DRG2: variants seen among roughly 807,000 people sequenced by gnomAD.
DRG2 encodes developmentally regulated GTP binding protein 2, also known as developmentally-regulated GTP-binding protein 2.
Under a neutral mutation model 53.4 loss-of-function variants are expected in DRG2, and 36 were observed. The observed-to-expected ratio is 0.67, with a 90% CI of 0.52 to 0.89. The LOEUF (loss-of-function observed/expected upper bound fraction) is 0.89. Ranked by LOEUF, DRG2 falls within the 40% of genes least tolerant of loss-of-function variation. The pLI is 0.00. For missense variants in DRG2, 342 were observed against 481.2 expected (o/e 0.71, Z 2.71); for synonymous variants, 167 against 192.1 (o/e 0.87, Z 1.08).
chr17:18,088,222 C>T (rs751397677), intron 1 of DRG2, 135 bp downstream of exon 1: 110 of 1,137,004 alleles, frequency 9.7e-5, no homozygotes, highest in Non-Finnish European at 1.2e-4. Context: ...AGTGCCGAGG[C>T]CGCCCTGCGC....
chr17:18,088,227 C>A, intron 1 of DRG2, 140 bp downstream of exon 1: 1 of 1,107,870 alleles, frequency 9.0e-7, no homozygotes, highest in Non-Finnish European at 1.3e-6. Flanking sequence ...CGAGGCCGCC[C>A]TGCGCGCCCA....
Position 18,103,401 on chromosome 17 carries a change from T to G in DRG2, c.807-400T>G, listed in dbSNP as rs1037033454. Among the ~76,000 whole-genome samples the G allele has an allele frequency of 4.6e-5, 7 of 152,176 alleles. No individual in the cohort carries two copies. The highest frequency in any genetic ancestry group is 1.7e-4 in the African/African-American group (7 of 41,442). On this transcript the variant is annotated intron_variant, in intron 9 of 12. Transcript: ENST00000225729. This position sits in a 1 kb window ranked among gnomAD's most constrained non-coding sequence, Gnocchi z 4.4. Reference sequence around the variant, plus strand: ...AGCCTTGGTTCTCCCCTCTTCTTGCTGAAATCCCTGCTGGACTTCCTGGCA... The same window carrying G: ...AGCCTTGGTTCTCCCCTCTTCTTGCGGAAATCCCTGCTGGACTTCCTGGCA...
chr17:18,106,159 C>A, intron 11 of DRG2: 2 of 503,674 alleles, frequency 4.0e-6, no homozygotes, highest in South Asian at 2.2e-5. Context: ...AGCCAGGCCC[C>A]TGACCTTCCC....
chr17:18,097,440 C>T (rs959523940), intron 2 of DRG2: 1 of 152,180 alleles, frequency 6.6e-6, no homozygotes, highest in Admixed American at 6.5e-5. Flanking sequence ...TTCCTGGGGC[C>T]CTGCTGATTA....
intron 7 of DRG2, 33 bp from the exon 8 acceptor site, chr17:18,101,460 G>A: frequency 6.2e-7 from 1 of 1,607,324 alleles, no homozygotes; most frequent in Non-Finnish European, 8.5e-7. Flanking sequence ...GGGGCAGCTG[G>A]TGCACAGGTT....
Position 18,098,775 on chromosome 17 carries a change from C to T in DRG2, c.316-242C>T, listed in dbSNP as rs1157898168. 6.6e-6 allele frequency among the ~76,000 whole-genome samples: 1 copy of T among 152,200 alleles called. No individual in the cohort carries two copies. The highest frequency in any genetic ancestry group is 1.9e-4 in the East Asian group (1 of 5,200). ...CAATTTATTTGTAAAGTGCTGGTATCATCAGTGATGAGTGTTGTGGGATTG... is the reference window on the plus strand; with the variant it reads ...CAATTTATTTGTAAAGTGCTGGTATTATCAGTGATGAGTGTTGTGGGATTG... On this transcript the variant is annotated intron_variant, in intron 3 of 12. Transcript: ENST00000225729. This position sits in a 1 kb window ranked among gnomAD's most constrained non-coding sequence, Gnocchi z 4.1.
chr17:18,097,141 C>T (rs2045447923), intron 2 of DRG2: 1 of 152,092 alleles, frequency 6.6e-6, no homozygotes, highest in Non-Finnish European at 1.5e-5. Context: ...AGGGAGTGGC[C>T]CCGAGGTTGG....
At position 18,103,902 on chromosome 17, in the gene DRG2, G is replaced by A. The variant is rs1170257084; in HGVS notation, c.895+13G>A. ...AAGAAGAGAGGACGTGAGTTGCACT[G>A]CGCGTAGCTGAAAAACAGGCTGAGC... is the stretch of plus-strand genomic sequence containing the variant. On this transcript the variant is annotated intron_variant, in intron 10 of 12. Transcript: ENST00000225729. The surrounding 1 kb of genome is among the most constrained non-coding windows in gnomAD (Gnocchi z 4.4). The A allele has an allele frequency of 6.2e-7, 1 of 1,613,236 alleles. No individual in the cohort carries two copies. The highest frequency in any genetic ancestry group is 2.2e-5 in the East Asian group (1 of 44,874).
intron 2 of DRG2, 156 bp downstream of exon 2, chr17:18,094,129 TA>T (rs2045386721): frequency 2.0e-6 from 2 of 981,184 alleles, no homozygotes; most frequent in Non-Finnish European, 2.9e-6. Context: ...TTTATCATCC[TA>T]ACATGGAGGA....
At chr17:18,101,448 CA>C (rs778210607) in intron 7 of DRG2, 44 bp from the exon 8 acceptor site, 4 of 1,587,072 alleles carry the variant, frequency 2.5e-6, no homozygotes, top group African/African-American at 2.7e-5. Flanking sequence ...TGATGGGGGA[CA>C]GGGGCAGCTG....
rs778497605 is a variant in DRG2 at position 18,103,994 on chromosome 17, G to A, written c.895+105G>A. 1 of 1,122,916 alleles carries A rather than the reference G, an allele frequency of 8.9e-7. No individual in the cohort carries two copies. The highest frequency in any genetic ancestry group is 1.3e-6 in the Non-Finnish European group (1 of 750,092). 69.6% of individuals were successfully genotyped at this position (1,122,916 alleles called of 1,614,324 possible). On this transcript the variant is annotated intron_variant, in intron 10 of 12. Coordinates refer to ENST00000225729, the MANE Select transcript of DRG2 (RefSeq NM_001388.5). The surrounding 1 kb of genome is among the most constrained non-coding windows in gnomAD (Gnocchi z 4.4). ...AGACCCCAGCACCGGCTCTGGCCTG[G>A]CTTGTCTAGACACACCTCAGCTCTT... is the stretch of plus-strand genomic sequence containing the variant.
At chr17:18,090,368 T>TTATATATATA (rs1242491729) in intron 1 of DRG2, among the ~76,000 whole-genome samples, 6 of 25,504 alleles carry the variant, frequency 2.4e-4, no homozygotes, top group East Asian at 1.2e-3. Context: ...CCGGGCTAAT[T>TTATATATATA]TATATATATA....
intron 12 of DRG2, 36 bp downstream of exon 12, chr17:18,106,522 A>G (rs990278403): frequency 1.2e-6 from 2 of 1,612,358 alleles, no homozygotes; most frequent in African/African-American, 1.3e-5. Context: ...AGGGGGGTAG[A>G]CCCAGGACAG....
Position 18,107,349 on chromosome 17 carries a change from A to AG in DRG2, c.*113dup, listed in dbSNP as rs2045661519. On this transcript the variant is annotated 3_prime_UTR_variant, in exon 13 of 13. Transcript: ENST00000225729. ...AAATACAAATACACGTACCCCAGGA[A>AG]GGGGTCCCTCAAGTCTCTGCTATTT... 1 of 1,094,210 alleles carries AG rather than the reference A, an allele frequency of 9.1e-7. No homozygotes were observed. Among genetic ancestry groups the AG allele is most frequent in the African/African-American group, 1.6e-5 (1 of 64,230 alleles). The allele number at this position is 1,094,210 out of a possible 1,614,324, so 67.8% of individuals were successfully genotyped here.
Position 18,088,028 on chromosome 17 carries a change from G to T in DRG2, c.5G>T (p.Gly2Val). 1.3e-6 allele frequency: 2 copies of T among 1,549,352 alleles called. No homozygotes were observed. Among genetic ancestry groups the T allele is most frequent in the Non-Finnish European group, 1.7e-6 (2 of 1,146,258 alleles). Reference protein sequence around the residue: MGILEKISEIEK... With the variant: MVILEKISEIEK... ...GCGCCCACCTCTGCTGCTACCATGG[G>T]GATCTTAGAGAAGATCTCGGAGATC... The change falls in exon 1 of 13, where the codon GGG becomes GTG. Residue 2 changes from glycine (G) to valine (V), a missense_variant. Gly to Val is a moderately radical substitution (Grantham distance 109). Transcript: ENST00000225729.
At position 18,099,533 on chromosome 17, in the gene DRG2, G is replaced by T; in HGVS notation, c.377-100G>T. 1 of 1,187,674 alleles carries T rather than the reference G, an allele frequency of 8.4e-7. No individual in the cohort carries two copies. Among genetic ancestry groups the T allele is most frequent in the Non-Finnish European group, 1.2e-6 (1 of 815,770 alleles). 73.6% of individuals were successfully genotyped at this position (1,187,674 alleles called of 1,614,324 possible). ...AAGCTTGTGCTAGTATGTGGCAGAG[G>T]CTGTGGTAGGTCTGTAAAGGACAGG... On this transcript the variant is annotated intron_variant, in intron 4 of 12. Transcript: ENST00000225729. The surrounding 1 kb of genome is among the most constrained non-coding windows in gnomAD (Gnocchi z 4.4).
chr17:18,098,433 G>A lies in DRG2; in HGVS notation c.315+74G>A. ...TTGGACTTGTGCCTGTGCCCACCCT[G>A]TGTGTGAGTCTGGGTGGATGTCCCC... On this transcript the variant is annotated intron_variant, in intron 3 of 12. Transcript: ENST00000225729. This position sits in a 1 kb window ranked among gnomAD's most constrained non-coding sequence, Gnocchi z 4.1. 2 of 1,367,822 alleles carry A rather than the reference G, an allele frequency of 1.5e-6. No homozygotes were observed. Among genetic ancestry groups the A allele is most frequent in the Non-Finnish European group, 2.1e-6 (2 of 959,708 alleles). 84.7% of individuals were successfully genotyped at this position (1,367,822 alleles called of 1,614,324 possible). A position where few individuals can be genotyped will look rare whatever the true frequency, so the allele number is the denominator to read the frequency against.
At chr17:18,095,864 C>T (rs1315354165) in intron 2 of DRG2, 2 of 152,200 alleles carry the variant, frequency 1.3e-5, no homozygotes, top group African/African-American at 4.8e-5. Flanking sequence ...TGCAGATTTC[C>T]TTAGCTCCTC....
chr17:18,107,026 C>T, intron 12 of DRG2, 128 bp from the exon 13 acceptor site: 1 of 780,818 alleles, frequency 1.3e-6, no homozygotes, highest in Admixed American at 2.3e-5. Flanking sequence ...CTGCGGACAT[C>T]CTGCTGCCTG....
Sources: gnomAD v4.1 joint callset for allele counts (sites outside exome capture counted in the v4.1 genomes callset) on GRCh38, gnomAD v4.1.1 for gene constraint, Gnocchi (gnomAD v3.1) non-coding constraint, MANE v1.5 for transcripts, NCBI Gene and HGNC (gene_info 2026-07-23, HGNC 2026-07-21) for gene names.